The following FNIP1 variants were observed in gnomAD, a reference collection of about 807,000 sequenced individuals.
The protein encoded by FNIP1 is folliculin-interacting protein 1.
In FNIP1, 40 loss-of-function variants were observed where a neutral mutation model predicts 124.5. The observed-to-expected ratio is 0.32, with a 90% CI of 0.25 to 0.42. The LOEUF (loss-of-function observed/expected upper bound fraction) is 0.42. Ranked by LOEUF, FNIP1 falls within the 10% of genes least tolerant of loss-of-function variation. FNIP1 has a pLI of 1.00. For missense variants in FNIP1, 1,176 were observed against 1,403.7 expected (o/e 0.84, Z 2.59); for synonymous variants, 472 against 470.6 (o/e 1.00, Z -0.04).
At chr5:131,733,498 G>A (rs1294130942) in intron 2 of FNIP1, among the ~76,000 whole-genome samples, 8 of 152,220 alleles carry the variant, frequency 5.3e-5, no homozygotes, top group African/African-American at 1.9e-4. Flanking sequence ...TTTGAGATAT[G>A]TCCCATCGAT....
At chr5:131,720,455 A>G (rs1197113229) in intron 3 of FNIP1, among the ~76,000 whole-genome samples, 1 of 152,210 alleles carries the variant, frequency 6.6e-6, no homozygotes, top group African/African-American at 2.4e-5. Context: ...CAGATATGAC[A>G]CCCAAAGCAC....
At chr5:131,659,927 T>C (rs1185793316) in intron 15 of FNIP1, among the ~76,000 whole-genome samples, 1 of 152,210 alleles carries the variant, frequency 6.6e-6, no homozygotes, top group Non-Finnish European at 1.5e-5. Flanking sequence ...AGGGTCATGA[T>C]ACCTCTCTTG....
At chr5:131,752,971 C>T (rs2149566742) in intron 1 of FNIP1, among the ~76,000 whole-genome samples, 1 of 152,278 alleles carries the variant, frequency 6.6e-6, no homozygotes, top group South Asian at 2.1e-4. Context: ...ACTTGGGAGG[C>T]TGAGGCAGGA....
rs967206287 is a variant in FNIP1 at position 131,716,431 on chromosome 5, A to C, written c.622+134T>G. ...AAATGTTATACATACTGGCAATTTAAATGCCTCTTCCACTTACAGTATTTG... is the reference window on the plus strand; with the variant it reads ...AAATGTTATACATACTGGCAATTTACATGCCTCTTCCACTTACAGTATTTG... On this transcript the variant is annotated intron_variant, in intron 6 of 17. Transcript: ENST00000510461. 3 of 533,168 alleles carry C rather than the reference A, an allele frequency of 5.6e-6. No homozygotes were observed. The African/African-American group carries it at 5.8e-5, about 10-fold the overall frequency. The allele number at this position is 533,168 out of a possible 1,614,324, so 33.0% of individuals were successfully genotyped here. A position where few individuals can be genotyped will look rare whatever the true frequency, so the allele number is the denominator to read the frequency against.
At chr5:131,752,034 T>C (rs375608020) in intron 1 of FNIP1, among the ~76,000 whole-genome samples, 2 of 152,170 alleles carry the variant, frequency 1.3e-5, no homozygotes, top group East Asian at 1.9e-4. Context: ...ACCAAACTTA[T>C]TTGTGAGTTT....
At chr5:131,677,914 A>G in intron 12 of FNIP1, 42 bp from the exon 13 acceptor site, 1 of 1,582,934 alleles carries the variant, frequency 6.3e-7, no homozygotes, top group Non-Finnish European at 8.6e-7. Context: ...ATCAGTCTTC[A>G]TGAAACCTTA....
At chr5:131,673,717 C>A (rs1244860938) in intron 13 of FNIP1, among the ~76,000 whole-genome samples, 2 of 152,144 alleles carry the variant, frequency 1.3e-5, no homozygotes, top group Non-Finnish European at 2.9e-5. Flanking sequence ...CGTCACACCA[C>A]ACACTTAACC....
At chr5:131,762,737 A>G (rs1309465790) in intron 1 of FNIP1, among the ~76,000 whole-genome samples, 1 of 152,202 alleles carries the variant, frequency 6.6e-6, no homozygotes, top group East Asian at 1.9e-4. Context: ...CAGCAATCCC[A>G]CTGCTAAGCA....
At chr5:131,703,032 A>T (rs1768954419) in intron 10 of FNIP1, among the ~76,000 whole-genome samples, 1 of 152,160 alleles carries the variant, frequency 6.6e-6, no homozygotes, top group Admixed American at 6.5e-5. Context: ...GACTCATAAA[A>T]ACACAAGGAT....
At position 131,719,301 on chromosome 5, in the gene FNIP1, T is replaced by A. The variant is rs1296760754; in HGVS notation, c.455+16A>T. ...AAAAATGGGACTCGTTAAAAAAAAA[T>A]CAGAAAACCTCTCACCGAATCTGAT... On this transcript the variant is annotated intron_variant, in intron 4 of 17. Transcript: ENST00000510461. 1.9e-6 allele frequency: 3 copies of A among 1,579,164 alleles called. No homozygotes were observed. The highest frequency in any genetic ancestry group is 2.6e-6 in the Non-Finnish European group (3 of 1,169,472).
chr5:131,762,262 T>C (rs1435977226), intron 1 of FNIP1, among the ~76,000 whole-genome samples: 6 of 152,104 alleles, frequency 3.9e-5, no homozygotes, highest in African/African-American at 1.4e-4. Flanking sequence ...CAACAAGTTA[T>C]AAAAAGTTTC....
intron 15 of FNIP1, among the ~76,000 whole-genome samples, chr5:131,660,661 T>C (rs550865336): frequency 9.2e-5 from 14 of 152,344 alleles, no homozygotes; most frequent in African/African-American, 2.6e-4. Flanking sequence ...GTGGGGTGGC[T>C]GGCCTTGTGT....
At chr5:131,718,884 A>C (rs1769558058) in intron 5 of FNIP1, 102 bp downstream of exon 5, 12 of 917,874 alleles carry the variant, frequency 1.3e-5, no homozygotes, top group Non-Finnish European at 1.7e-5. Flanking sequence ...AAGGAAAGAC[A>C]GAAAATCTGA....
intron 11 of FNIP1, among the ~76,000 whole-genome samples, chr5:131,691,905 A>C (rs1768492291): frequency 6.6e-6 from 1 of 152,196 alleles, no homozygotes; most frequent in Non-Finnish European, 1.5e-5. Context: ...AGCTAACATC[A>C]TACTTATGGT....
chr5:131,655,705 G>A lies in FNIP1; in HGVS notation c.3109-3706C>T, dbSNP rs193178318. Among the ~76,000 whole-genome samples, 280 of 149,598 alleles carry A rather than the reference G, an allele frequency of 1.9e-3. 1 individual carries two copies. The highest frequency in any genetic ancestry group is 6.6e-3 in the African/African-American group (267 of 40,598). ...CTCAGTTAAAAACTAATCTCTTTTCGAGGCCATCCTGGCTAACACAGTGAA... is the reference window on the plus strand; with the variant it reads ...CTCAGTTAAAAACTAATCTCTTTTCAAGGCCATCCTGGCTAACACAGTGAA... On this transcript the variant is annotated intron_variant, in intron 15 of 17. Coordinates refer to ENST00000510461, the MANE Select transcript of FNIP1 (RefSeq NM_133372.3).
chr5:131,796,677 C>A (rs1424725111), intron 1 of FNIP1, 153 bp downstream of exon 1: 2 of 686,416 alleles, frequency 2.9e-6, no homozygotes, highest in Non-Finnish European at 4.8e-6. Flanking sequence ...CCCTTCGGCG[C>A]TAGCCCGCAG....
At chr5:131,699,039 T>G in intron 10 of FNIP1, 37 bp from the exon 11 acceptor site, 2 of 1,543,272 alleles carry the variant, frequency 1.3e-6, no homozygotes, top group Non-Finnish European at 1.8e-6. Context: ...ATTCTTATGT[T>G]AATCATGAGC....
At chr5:131,793,209 T>G (rs1411512327) in intron 1 of FNIP1, among the ~76,000 whole-genome samples, 2 of 152,128 alleles carry the variant, frequency 1.3e-5, no homozygotes, top group African/African-American at 4.8e-5. Flanking sequence ...TTTTTTATAT[T>G]TTTTGTAGAG....
chr5:131,720,682 C>T (rs1430754839), intron 3 of FNIP1, among the ~76,000 whole-genome samples: 7 of 152,196 alleles, frequency 4.6e-5, no homozygotes, highest in South Asian at 2.1e-4. Context: ...AAACTAATAA[C>T]GCAATTAAGG....
Sources: gnomAD v4.1 joint callset for allele counts (sites outside exome capture counted in the v4.1 genomes callset) on GRCh38, gnomAD v4.1.1 for gene constraint, MANE v1.5 for transcripts, NCBI Gene and HGNC (gene_info 2026-07-23, HGNC 2026-07-21) for gene names.